The following TNRC18 variants were observed in gnomAD, a reference collection of about 807,000 sequenced individuals.
TNRC18 encodes the protein trinucleotide repeat containing 18.
In TNRC18, 69 loss-of-function variants were observed where a neutral mutation model predicts 226.7. The ratio of observed to expected loss-of-function variants is 0.30; its 90% CI spans 0.25 to 0.37. The LOEUF is 0.37. TNRC18 is among the 10% of genes least tolerant of loss of function. The pLI, the probability that TNRC18 is intolerant of heterozygous loss-of-function variation, is 1.00. For missense variants in TNRC18, 4,754 were observed against 4,256.6 expected, an observed-to-expected ratio of 1.12 and a Z score of -3.25; for synonymous variants, 2,449 against 1,927.6, an observed-to-expected ratio of 1.27 and a Z score of -7.09.
At chr7:5,387,567 TA>T in intron 5 of TNRC18, 104 bp downstream of exon 5, 1 of 1,469,042 alleles carries the variant, frequency 6.8e-7, no homozygotes. Context: ...ATGATACTTA[TA>T]AAGACTTAGC....
At chr7:5,350,422 G>C (rs994660787) in intron 17 of TNRC18, among the ~76,000 whole-genome samples, 2 of 128,592 alleles carry the variant, frequency 1.6e-5, no homozygotes, top group South Asian at 5.8e-4. Flanking sequence ...AGCAGGGCTG[G>C]AAAAACAGGG....
rs768087484 is a variant in TNRC18, at chr7:5,307,957, C to T, written c.*149G>A. Reference sequence around the variant, plus strand: ...ACACGTGCATGCACACACACTCACCCGGGCATCCACGTGCACACCTGGCCC... The same window carrying T: ...ACACGTGCATGCACACACACTCACCTGGGCATCCACGTGCACACCTGGCCC... On this transcript the variant is annotated 3_prime_UTR_variant, in exon 30 of 30. Transcript: ENST00000430969. The T allele has an allele frequency of 4.5e-5, 31 of 690,360 alleles. No individual in the cohort carries two copies. The highest frequency in any genetic ancestry group is 6.3e-5 in the Non-Finnish European group (26 of 412,340). The allele number at this position is 690,360 out of a possible 1,614,324, so 42.8% of individuals were successfully genotyped here.
intron 19 of TNRC18, among the ~76,000 whole-genome samples, chr7:5,327,363 GTGTT>G (rs1282426369): frequency 1.4e-5 from 2 of 139,050 alleles, no homozygotes; most frequent in African/African-American, 2.8e-5. Flanking sequence ...ATATATGTGT[GTGTT>G]TGTGCGTGTG....
rs1321216296 is a variant in TNRC18 at position 5,389,362 on chromosome 7, TGAGC to T, written c.488-30_488-27del. 4 of 1,245,696 alleles carry T rather than the reference TGAGC, an allele frequency of 3.2e-6. No homozygotes were observed. The African/African-American group carries it at 6.2e-5, about 19-fold the overall frequency. 77.2% of individuals were successfully genotyped at this position (1,245,696 alleles called of 1,614,324 possible). ...CTGCGGAGAAGGGAACAGCAGGCAG[TGAGC>T]GAGCGCCACCTCCCCTCCCACCCCT... On this transcript the variant is annotated intron_variant, in intron 4 of 29. Coordinates refer to ENST00000430969, the MANE Select transcript of TNRC18 (RefSeq NM_001080495.3).
In TNRC18 at chr7:5,394,987, C is replaced by T. The variant is rs1562611803; in HGVS notation, c.188-392G>A. Among the ~76,000 whole-genome samples the T allele has an allele frequency of 6.6e-6, 1 of 152,182 alleles. No individual in the cohort carries two copies. The highest frequency in any genetic ancestry group is 1.5e-5 in the Non-Finnish European group (1 of 68,022). ...GTGGCGCACTGGGACTTCCAGAGGCCACAGGGCAAGGCGGTGGGGGACTTA... is the reference window on the plus strand; with the variant it reads ...GTGGCGCACTGGGACTTCCAGAGGCTACAGGGCAAGGCGGTGGGGGACTTA... On this transcript the variant is annotated intron_variant, in intron 2 of 29. Coordinates refer to ENST00000430969, the MANE Select transcript of TNRC18 (RefSeq NM_001080495.3). The surrounding 1 kb of genome is among the most constrained non-coding windows in gnomAD (Gnocchi z 4.5).
At chr7:5,378,522 C>A (rs1176968504) in intron 5 of TNRC18, among the ~76,000 whole-genome samples, 1 of 151,820 alleles carries the variant, frequency 6.6e-6, no homozygotes, top group African/African-American at 2.4e-5. Context: ...AGGTTCCCGC[C>A]ATTCTCCTGC....
intron 2 of TNRC18, among the ~76,000 whole-genome samples, chr7:5,402,608 C>T (rs1781184062): frequency 6.6e-6 from 1 of 152,040 alleles, no homozygotes; most frequent in Admixed American, 6.6e-5. Context: ...AATCCCAGCA[C>T]TTTGGGAGGC....
intron 2 of TNRC18, among the ~76,000 whole-genome samples, chr7:5,419,530 G>A (rs918766056): frequency 5.3e-5 from 8 of 152,056 alleles, no homozygotes; most frequent in African/African-American, 1.2e-4. Flanking sequence ...GATGGTCTCT[G>A]TACCCCAGGG....
At chr7:5,391,542 T>C (rs1213360793) in intron 3 of TNRC18, among the ~76,000 whole-genome samples, 1 of 151,760 alleles carries the variant, frequency 6.6e-6, no homozygotes, top group Non-Finnish European at 1.5e-5. Context: ...AACTCCCGGC[T>C]TCAAGTGATC....
At position 5,419,488 on chromosome 7, in the gene TNRC18, G is replaced by T. The variant is rs574626135; in HGVS notation, c.187+1572C>A. ...ATGCACACACACACACATCACGGTGGACTTGTGGGGAGCGCAAAAGGGGAC... is the reference window on the plus strand; with the variant it reads ...ATGCACACACACACACATCACGGTGTACTTGTGGGGAGCGCAAAAGGGGAC... On this transcript the variant is annotated intron_variant, in intron 2 of 29. Coordinates refer to ENST00000430969, the MANE Select transcript of TNRC18 (RefSeq NM_001080495.3). 2.7e-4 allele frequency among the ~76,000 whole-genome samples: 41 copies of T among 152,338 alleles called. 1 individual carries two copies. The South Asian group carries it at 7.7e-3, about 28-fold the overall frequency.
chr7:5,369,995 A>G (rs1438755465), intron 11 of TNRC18, among the ~76,000 whole-genome samples: 1 of 152,152 alleles, frequency 6.6e-6, no homozygotes, highest in Non-Finnish European at 1.5e-5. Context: ...CGGGTTTTTC[A>G]TAATTTAAAA....
intron 16 of TNRC18, among the ~76,000 whole-genome samples, chr7:5,355,253 G>T (rs1407670822): frequency 2.0e-5 from 3 of 151,706 alleles, no homozygotes; most frequent in Non-Finnish European, 4.4e-5. Flanking sequence ...CCATAACCAT[G>T]AGGACGCTCC....
Position 5,376,034 on chromosome 7 carries a change from C to G in TNRC18, c.2799G>C (p.Val933=). ...ALELQRSAQL[V]QERLKAQEHR... is the part of the protein sequence containing the mutation. ...CTGCGCCTCATCCTCCCCGACTTACCACGAGCTGGGCGCTCCTCTGCAGTT... is the reference window on the plus strand; with the variant it reads ...CTGCGCCTCATCCTCCCCGACTTACGACGAGCTGGGCGCTCCTCTGCAGTT... Residue 933 remains valine, a splice_region_variant and synonymous_variant, in exon 9 of 30, where the codon GTG becomes GTC. Transcript: ENST00000430969. 5 of 1,590,352 alleles carry G rather than the reference C, an allele frequency of 3.1e-6. No homozygotes were observed. The highest frequency in any genetic ancestry group is 4.3e-6 in the Non-Finnish European group (5 of 1,170,078).
Position 5,376,173 on chromosome 7 carries a change from G to C in TNRC18, c.2660C>G (p.Pro887Arg). 1 of 1,574,428 alleles carries C rather than the reference G, an allele frequency of 6.4e-7. No homozygotes were observed. The highest frequency in any genetic ancestry group is 1.7e-4 in the Middle Eastern group (1 of 5,934). Residue 887 changes from proline to arginine, a missense_variant, in exon 9 of 30, where the codon CCG (proline) becomes CGG (arginine). Coordinates refer to ENST00000430969, the MANE Select transcript of TNRC18 (RefSeq NM_001080495.3). Reference protein sequence around the residue: ...TVPPLWPALYPPGRSPLHHAQ... With the variant: ...TVPPLWPALYRPGRSPLHHAQ... ...GTGGTGCAGGGGGCTGCGGCCCGGC[G>C]GGTACAGGGCGGGCCAGAGGGGCGG...
intron 16 of TNRC18, among the ~76,000 whole-genome samples, chr7:5,355,510 G>A (rs1373224079): frequency 1.1e-4 from 16 of 152,206 alleles, no homozygotes; most frequent in Admixed American, 9.8e-4. Context: ...CCAGCTATTC[G>A]GGAGGCTAAA....
intron 17 of TNRC18, 115 bp from the exon 18 acceptor site, chr7:5,345,925 G>A (rs892183107): frequency 7.2e-7 from 1 of 1,390,622 alleles, no homozygotes; most frequent in African/African-American, 1.4e-5. Context: ...TCAGTCCTGA[G>A]CAGGGGGCCG....
chr7:5,316,274 C>CTTTTTTTTT (rs1278896095), intron 24 of TNRC18, among the ~76,000 whole-genome samples: 21 of 86,552 alleles, frequency 2.4e-4, no homozygotes, highest in Non-Finnish European at 3.1e-4. Context: ...AGAAATGGGT[C>CTTTTTTTTT]TTTTTTTTTT....
At chr7:5,321,325 T>C in intron 21 of TNRC18, 135 bp from the exon 22 acceptor site, 1 of 618,514 alleles carries the variant, frequency 1.6e-6, no homozygotes, top group Non-Finnish European at 2.9e-6. Flanking sequence ...CTGAGACGTG[T>C]GCACTTCTTC....
At chr7:5,367,436 T>C (rs933211505) in intron 11 of TNRC18, among the ~76,000 whole-genome samples, 1 of 150,950 alleles carries the variant, frequency 6.6e-6, no homozygotes, top group Non-Finnish European at 1.5e-5. Flanking sequence ...TGTTTTTTGT[T>C]TTTTTTTTGA....
Sources: allele counts gnomAD v4.1 joint callset (sites outside exome capture counted in the v4.1 genomes callset), GRCh38; gene constraint gnomAD v4.1.1; non-coding constraint Gnocchi (gnomAD v3.1); transcripts MANE v1.5; gene names NCBI Gene and HGNC (gene_info 2026-07-23, HGNC 2026-07-21).